The following PKD1L1 variants were observed in gnomAD, a reference collection of about 807,000 sequenced individuals.
The protein encoded by PKD1L1 is polycystin-1-like protein 1.
In PKD1L1, 236 loss-of-function variants were observed where a neutral mutation model predicts 323.4. The ratio of observed to expected loss-of-function variants is 0.73; its 90% CI spans 0.66 to 0.81. The LOEUF (loss-of-function observed/expected upper bound fraction) is 0.81. Ranked by LOEUF, PKD1L1 falls within the 40% of genes least tolerant of loss-of-function variation. PKD1L1 has a pLI of 0.00. For synonymous variants in PKD1L1, 1,344 were observed against 1,335.0 expected (o/e 1.01, Z -0.15); for missense variants, 3,320 against 3,508.0 (o/e 0.95, Z 1.35).
chr7:47,901,201 G>C (rs886340040), intron 13 of PKD1L1, among the ~76,000 whole-genome samples: 16 of 151,838 alleles, frequency 1.1e-4, no homozygotes, highest in African/African-American at 3.4e-4. Context: ...AGCTACGCAT[G>C]GTGGTGCACA....
At chr7:47,864,576 T>TTTCCTTTCTTTCTTTC (rs967936305) in intron 26 of PKD1L1, among the ~76,000 whole-genome samples, 1 of 107,520 alleles carries the variant, frequency 9.3e-6, no homozygotes, top group Non-Finnish European at 1.9e-5. Flanking sequence ...TTTTTCTTTC[T>TTTCCTTTCTTTCTTTC]TTTCTTTCTT....
intron 56 of PKD1L1, among the ~76,000 whole-genome samples, chr7:47,790,425 G>A (rs1786914768): frequency 6.6e-6 from 1 of 151,630 alleles, no homozygotes; most frequent in Admixed American, 6.6e-5. Context: ...CTACCTCCTG[G>A]GTTCACGCTA....
At chr7:47,844,086 C>A (rs139882290) in intron 33 of PKD1L1, among the ~76,000 whole-genome samples, 10 of 152,312 alleles carry the variant, frequency 6.6e-5, no homozygotes, top group Non-Finnish European at 1.5e-4. Context: ...TCTCTCTGGA[C>A]ATCTTCCAGG....
chr7:47,878,755 A>T (rs1387390839), intron 21 of PKD1L1, among the ~76,000 whole-genome samples: 1 of 152,188 alleles, frequency 6.6e-6, no homozygotes, highest in Non-Finnish European at 1.5e-5. Context: ...GGAAAGACTT[A>T]GAGTCACGAG....
At chr7:47,804,632 C>CTAT (rs900158874) in intron 52 of PKD1L1, among the ~76,000 whole-genome samples, 13 of 151,656 alleles carry the variant, frequency 8.6e-5, no homozygotes, top group African/African-American at 3.1e-4. Context: ...ACCATAGTGG[C>CTAT]TATTATTATT....
chr7:47,863,297 C>T (rs1429370358), intron 26 of PKD1L1, among the ~76,000 whole-genome samples: 2 of 151,962 alleles, frequency 1.3e-5, no homozygotes, highest in Non-Finnish European at 2.9e-5. Flanking sequence ...AGTTTCGGCC[C>T]GTGTGGAAAT....
chr7:47,862,738 C>T (rs899693211), intron 26 of PKD1L1, among the ~76,000 whole-genome samples: 5 of 151,886 alleles, frequency 3.3e-5, no homozygotes, highest in African/African-American at 9.7e-5. Context: ...GAGGGCACAG[C>T]GGGAAAAGGA....
intron 7 of PKD1L1, among the ~76,000 whole-genome samples, chr7:47,922,404 G>A (rs56764564): frequency 0.056 from 8,349 of 150,268 alleles, 786 homozygotes; most frequent in African/African-American, 0.19. Context: ...CCCTCTGCCC[G>A]CCACCCAGTC....
intron 42 of PKD1L1, 42 bp from the exon 43 acceptor site, chr7:47,830,166 A>G (rs1785316769): frequency 1.3e-6 from 2 of 1,532,988 alleles, no homozygotes; most frequent in Non-Finnish European, 1.8e-6. Flanking sequence ...CCTCTAAGGG[A>G]GCAGGCCACC....
At chr7:47,818,008 A>G (rs1325075289) in intron 46 of PKD1L1, 1 of 1,354,756 alleles carries the variant, frequency 7.4e-7, no homozygotes, top group South Asian at 1.2e-5. Flanking sequence ...ATACATCTTT[A>G]GAACTTAATC....
At chr7:47,798,989 T>C (rs927077175) in intron 54 of PKD1L1, among the ~76,000 whole-genome samples, 1 of 152,162 alleles carries the variant, frequency 6.6e-6, no homozygotes, top group African/African-American at 2.4e-5. Flanking sequence ...AAATCACATA[T>C]CCAATTTAAA....
chr7:47,917,165 A>G (rs569787265), intron 7 of PKD1L1, among the ~76,000 whole-genome samples: 57 of 152,242 alleles, frequency 3.7e-4, no homozygotes, highest in Non-Finnish European at 3.8e-4. Context: ...GGACACACTT[A>G]TAGAAATGCA....
chr7:47,960,538 T>A, the PKD1L1 span, among the ~76,000 whole-genome samples: 1 of 151,766 alleles, frequency 6.6e-6, no homozygotes, highest in South Asian at 2.1e-4. Flanking sequence ...CAAGATTCCA[T>A]AAGCTCAGAA....
At chr7:47,931,863 G>A (rs1042705107) in intron 5 of PKD1L1, 73 bp downstream of exon 5, 2 of 1,528,256 alleles carry the variant, frequency 1.3e-6, no homozygotes, top group African/African-American at 2.8e-5. Context: ...ATACGGGTGA[G>A]TCTCCCCCAT....
chr7:47,844,915 C>T (rs1300399647), intron 33 of PKD1L1, 80 bp downstream of exon 33: 18 of 1,204,722 alleles, frequency 1.5e-5, no homozygotes, highest in Admixed American at 2.4e-5. Flanking sequence ...CAAGCACCCC[C>T]GGAATTATAT....
chr7:47,900,090 C>T (rs1393083771), intron 13 of PKD1L1, among the ~76,000 whole-genome samples: 1 of 152,012 alleles, frequency 6.6e-6, no homozygotes, highest in Non-Finnish European at 1.5e-5. Flanking sequence ...ATTAAAATTA[C>T]TTTCCAATTA....
At chr7:47,884,714 T>C in intron 18 of PKD1L1, 57 bp from the exon 19 acceptor site, 1 of 1,418,000 alleles carries the variant, frequency 7.1e-7, no homozygotes, top group Non-Finnish European at 1.0e-6. Context: ...TCCCCTGAAA[T>C]TAACAGCAGC....
intron 13 of PKD1L1, among the ~76,000 whole-genome samples, chr7:47,899,201 A>G (rs1409152048): frequency 6.6e-6 from 1 of 152,208 alleles, no homozygotes; most frequent in Non-Finnish European, 1.5e-5. Context: ...CAAGTAGCCC[A>G]TCAGGGGCCT....
intron 39 of PKD1L1, 141 bp from the exon 40 acceptor site, chr7:47,834,526 G>T: frequency 2.7e-6 from 2 of 753,526 alleles, no homozygotes; most frequent in Non-Finnish European, 4.5e-6. Context: ...GAGTATTTCT[G>T]AGAGGATAAG....
Sources: gnomAD v4.1 joint callset for allele counts (sites outside exome capture counted in the v4.1 genomes callset) on GRCh38, gnomAD v4.1.1 for gene constraint, MANE v1.5 for transcripts, NCBI Gene and HGNC (gene_info 2026-07-23, HGNC 2026-07-21) for gene names.